Variants in NOXA1 observed in about 807,000 individuals in gnomAD.
NOXA1 encodes NCF2-like protein.
NOXA1 carries 56 observed loss-of-function variants against 64.8 expected under a neutral mutation model. The ratio of observed to expected loss-of-function variants is 0.86; its 90% CI spans 0.70 to 1.08. The LOEUF (loss-of-function observed/expected upper bound fraction) is 1.08. Among genes scored for constraint, NOXA1 ranks in the 50% least tolerant of loss-of-function variants. NOXA1 has a pLI of 0.00. For missense variants in NOXA1, 668 were observed against 658.5 expected, an observed-to-expected ratio of 1.01 and a Z score of -0.16; for synonymous variants, 295 against 294.8, an observed-to-expected ratio of 1.00 and a Z score of -0.01.
intron 1 of NOXA1, among the ~76,000 whole-genome samples, chr9:137,423,937 G>T (rs1182474973): frequency 1.3e-5 from 2 of 152,172 alleles, no homozygotes; most frequent in African/African-American, 4.8e-5. Flanking sequence ...CTCACACCGG[G>T]AAGGGGGAAG....
chr9:137,423,696 C>T lies in NOXA1; in HGVS notation c.167C>T (p.Ala56Val). The T allele has an allele frequency of 2.3e-6, 3 of 1,325,310 alleles. No homozygotes were observed. Among genetic ancestry groups the T allele is most frequent in the Non-Finnish European group, 2.9e-6 (3 of 1,038,736 alleles). 82.1% of individuals were successfully genotyped at this position (1,325,310 alleles called of 1,614,324 possible). A position where few individuals can be genotyped will look rare whatever the true frequency, so the allele number is the denominator to read the frequency against. Residue 56 changes from alanine to valine, a missense_variant, in exon 1 of 14, where the codon GCC (alanine) becomes GTC (valine). Physicochemically the swap from Ala to Val is moderately conservative, Grantham distance 64. Transcript: ENST00000683555. Reference sequence around the variant, plus strand: ...CACCTGCTGGCCGGGGACCCCGAGGCCGCGCTGCGGGTGAGCGGGGCGTGG... The same window carrying T: ...CACCTGCTGGCCGGGGACCCCGAGGTCGCGCTGCGGGTGAGCGGGGCGTGG... Reference protein sequence around the residue: ...CVHLLAGDPEAALRAFDQAVT... With the variant: ...CVHLLAGDPEVALRAFDQAVT...
chr9:137,431,267 A>G lies in NOXA1; in HGVS notation c.730A>G (p.Thr244Ala), dbSNP rs1476392828. ...AATCATGGACTCCCCAAGAGCTGGC[A>G]CCCACCAGGGCCCCCTCGATGCAGA... ...SLIMDSPRAGTHQGPLDAETE... is the reference protein window; with the variant it reads ...SLIMDSPRAGAHQGPLDAETE... Residue 244 changes from threonine (T) to alanine (A), a missense_variant, in exon 8 of 14, where the codon ACC becomes GCC. Thr to Ala is a moderately conservative substitution (Grantham distance 58). Coordinates refer to ENST00000683555, the MANE Select transcript of NOXA1 (RefSeq NM_001256067.2). This position sits in a 1 kb window ranked among gnomAD's most constrained non-coding sequence, Gnocchi z 5.6. The G allele has an allele frequency of 1.9e-6, 3 of 1,612,650 alleles. No individual in the cohort carries two copies. The highest frequency in any genetic ancestry group is 2.5e-6 in the Non-Finnish European group (3 of 1,179,928).
rs1839109239 is a variant in NOXA1, at chr9:137,431,490, GC to G, written c.804+152del. On this transcript the variant is annotated intron_variant, in intron 8 of 13. Transcript: ENST00000683555. The surrounding 1 kb of genome is among the most constrained non-coding windows in gnomAD (Gnocchi z 5.6). ...CGGGCTCACCCGTGGTCCTGGCCCA[GC>G]CCAGCCAGATGGGAGGATGCCTGGC... The G allele has an allele frequency of 2.9e-6, 2 of 679,568 alleles. No individual in the cohort carries two copies. Among genetic ancestry groups the G allele is most frequent in the African/African-American group, 1.8e-5 (1 of 56,050 alleles). 42.1% of individuals were successfully genotyped at this position (679,568 alleles called of 1,614,324 possible). A position where few individuals can be genotyped will look rare whatever the true frequency, so the allele number is the denominator to read the frequency against.
At position 137,431,271 on chromosome 9, in the gene NOXA1, A is replaced by C. The variant is rs752014926; in HGVS notation, c.734A>C (p.His245Pro). 2.1e-5 allele frequency: 34 copies of C among 1,612,654 alleles called. No individual in the cohort carries two copies. The highest frequency in any genetic ancestry group is 2.8e-5 in the Non-Finnish European group (33 of 1,179,936). The change falls in exon 8 of 14, where the codon CAC becomes CCC. Residue 245 changes from histidine (H) to proline (P), a missense_variant. By Grantham distance (77) the His-to-Pro change is moderately conservative. Transcript: ENST00000683555. This position sits in a 1 kb window ranked among gnomAD's most constrained non-coding sequence, Gnocchi z 5.6. ...LIMDSPRAGT[H>P]QGPLDAETEV... Reference sequence around the variant, plus strand: ...ATGGACTCCCCAAGAGCTGGCACCCACCAGGGCCCCCTCGATGCAGAGACA... The same window carrying C: ...ATGGACTCCCCAAGAGCTGGCACCCCCCAGGGCCCCCTCGATGCAGAGACA...
At chr9:137,430,958 TG>T in intron 6 of NOXA1, 115 bp downstream of exon 6, 1 of 1,554,280 alleles carries the variant, frequency 6.4e-7, no homozygotes. Flanking sequence ...ATGGGAGGTG[TG>T]GGGTGGCCAT....
In NOXA1 at chr9:137,424,877, C is replaced by T. The variant is rs558880420; in HGVS notation, c.177+1171C>T. 3.9e-5 allele frequency among the ~76,000 whole-genome samples: 6 copies of T among 152,230 alleles called. No homozygotes were observed. In the East Asian group the frequency reaches 5.8e-4, roughly 15 times the overall value. On this transcript the variant is annotated intron_variant, in intron 1 of 13. Transcript: ENST00000683555. The stretch of plus-strand genomic sequence containing the variant: ...GCCTGGTTTCACTACAGAGAGGGGA[C>T]GCAGTGAAAGTCATACGACTAACCC...
rs1245804092 is a variant in NOXA1, at chr9:137,424,622, A to G, written c.177+916A>G. ...GCCTGGCTAATTTAGTATTTTTAGTAGAAACGGGTTTCACCATGTTGGTCA... is the reference window on the plus strand; with the variant it reads ...GCCTGGCTAATTTAGTATTTTTAGTGGAAACGGGTTTCACCATGTTGGTCA... On this transcript the variant is annotated intron_variant, in intron 1 of 13. Transcript: ENST00000683555. 3.9e-5 allele frequency among the ~76,000 whole-genome samples: 6 copies of G among 152,170 alleles called. No homozygotes were observed. In the East Asian group the frequency reaches 1.2e-3, roughly 29 times the overall value.
chr9:137,433,154 C>CA, intron 9 of NOXA1, 51 bp from the exon 10 acceptor site: 1 of 1,608,470 alleles, frequency 6.2e-7, no homozygotes, highest in Non-Finnish European at 8.5e-7. Context: ...CCTCCACCCA[C>CA]AGGGCCCACT....
chr9:137,427,650 G>A (rs934173370), intron 2 of NOXA1, among the ~76,000 whole-genome samples: 1 of 152,352 alleles, frequency 6.6e-6, no homozygotes, highest in South Asian at 2.1e-4. Flanking sequence ...GGAGCTCCCA[G>A]CAAGGCTTGG....
rs1338514111 is a variant in NOXA1 at position 137,428,890 on chromosome 9, C to CAATGTGGCG, written c.379_387dup (p.Asn127_Ala129dup). 3 of 1,583,408 alleles carry CAATGTGGCG rather than the reference C, an allele frequency of 1.9e-6. No homozygotes were observed. Among genetic ancestry groups the CAATGTGGCG allele is most frequent in the Non-Finnish European group, 2.6e-6 (3 of 1,166,524 alleles). On this transcript the variant is annotated inframe_insertion, in exon 4 of 14. Transcript: ENST00000683555. Reference sequence around the variant, plus strand: ...CTTGGCCCCACTCCCAGGTGCTACACAATGTGGCGTCGGCACAGTGCCAGC... The same window carrying CAATGTGGCG: ...CTTGGCCCCACTCCCAGGTGCTACACAATGTGGCGAATGTGGCGTCGGCACAGTGCCAGC...
chr9:137,429,499 A>G lies in NOXA1; in HGVS notation c.612+116A>G, dbSNP rs190283214. The stretch of plus-strand genomic sequence containing the variant: ...CACCGTAAGGGCCAGGAGGGTAGAG[A>G]GTGGGCCCACAGCCATCCTCAAACT... On this transcript the variant is annotated intron_variant, in intron 5 of 13. Transcript: ENST00000683555. 54 of 728,788 alleles carry G rather than the reference A, an allele frequency of 7.4e-5. No individual in the cohort carries two copies. In the East Asian group the frequency reaches 1.3e-3, roughly 18 times the overall value. 45.1% of individuals were successfully genotyped at this position (728,788 alleles called of 1,614,324 possible).
Position 137,434,343 on chromosome 9 carries a change from C to CA in NOXA1, c.1415dup (p.Asp474ArgfsTer10). On this transcript the variant is annotated frameshift_variant, in exon 14 of 14. Coordinates refer to ENST00000683555, the MANE Select transcript of NOXA1 (RefSeq NM_001256067.2). LOFTEE classifies it high-confidence loss of function. ...CCCCGGCCGCCTGCCCCGATCCCAGCAGGGAGATCAGCCCTAATGATGCTG... is the reference window on the plus strand; with the variant it reads ...CCCCGGCCGCCTGCCCCGATCCCAGCAAGGGAGATCAGCCCTAATGATGCTG... 4 of 1,600,996 alleles carry CA rather than the reference C, an allele frequency of 2.5e-6. No homozygotes were observed. The highest frequency in any genetic ancestry group is 3.4e-6 in the Non-Finnish European group (4 of 1,174,854).
intron 9 of NOXA1, 25 bp from the exon 10 acceptor site, chr9:137,433,180 G>A (rs1420298431): frequency 6.2e-7 from 1 of 1,609,608 alleles, no homozygotes; most frequent in East Asian, 2.2e-5. Context: ...GGTAGTGGCT[G>A]TGTCAGTCTT....
intron 3 of NOXA1, 116 bp downstream of exon 3, chr9:137,428,257 A>G: frequency 2.8e-6 from 2 of 723,032 alleles, no homozygotes; most frequent in Non-Finnish European, 4.6e-6. Context: ...TCTTGGTGCC[A>G]TGGAATACCC....
intron 10 of NOXA1, 87 bp from the exon 11 acceptor site, chr9:137,433,366 T>C: frequency 6.7e-7 from 1 of 1,500,910 alleles, no homozygotes; most frequent in Non-Finnish European, 8.9e-7. Context: ...ACCTGCCCAG[T>C]CTCTGTCCAC....
chr9:137,427,653 A>G (rs1838895814), intron 2 of NOXA1, among the ~76,000 whole-genome samples: 1 of 152,210 alleles, frequency 6.6e-6, no homozygotes, highest in African/African-American at 2.4e-5. Context: ...GCTCCCAGCA[A>G]GGCTTGGAAG....
At chr9:137,426,807 A>G (rs1838863562) in intron 2 of NOXA1, among the ~76,000 whole-genome samples, 1 of 152,222 alleles carries the variant, frequency 6.6e-6, no homozygotes, top group African/African-American at 2.4e-5. Flanking sequence ...CTTTTTAAAA[A>G]TTGTTTTGAG....
In NOXA1 at chr9:137,423,644, A is replaced by G; in HGVS notation, c.115A>G (p.Arg39Gly). ...LFSGVPAPPA[R>G]LCFNAGCVHL... ...CTCGGGCGTCCCGGCGCCGCCCGCC[A>G]GGCTGTGCTTCAACGCGGGCTGCGT... The change falls in exon 1 of 14, where the codon AGG (arginine) becomes GGG (glycine). Residue 39 changes from arginine to glycine, a missense_variant. Coordinates refer to ENST00000683555, the MANE Select transcript of NOXA1 (RefSeq NM_001256067.2). 7.0e-7 allele frequency: 1 copy of G among 1,427,800 alleles called. No homozygotes were observed. The highest frequency in any genetic ancestry group is 9.2e-7 in the Non-Finnish European group (1 of 1,087,842). The allele number at this position is 1,427,800 out of a possible 1,614,324, so 88.4% of individuals were successfully genotyped here. A position where few individuals can be genotyped will look rare whatever the true frequency, so the allele number is the denominator to read the frequency against.
Position 137,428,150 on chromosome 9 carries a change from G to A in NOXA1, c.369+9G>A, listed in dbSNP as rs774235449. On this transcript the variant is annotated intron_variant, in intron 3 of 13. Coordinates refer to ENST00000683555, the MANE Select transcript of NOXA1 (RefSeq NM_001256067.2). ...AGCTGCAAGCCTGGGAGGTGAGGCC[G>A]GGCAGGGCTCACTGTGCTGCTGGCT... is the stretch of plus-strand genomic sequence containing the variant. The A allele has an allele frequency of 2.1e-5, 32 of 1,542,100 alleles. No homozygotes were observed. The highest frequency in any genetic ancestry group is 3.9e-5 in the Admixed American group (2 of 51,840).
Sources: gnomAD v4.1 joint callset for allele counts (sites outside exome capture counted in the v4.1 genomes callset) on GRCh38, gnomAD v4.1.1 for gene constraint, Gnocchi (gnomAD v3.1) non-coding constraint, MANE v1.5 for transcripts, NCBI Gene and HGNC (gene_info 2026-07-23, HGNC 2026-07-21) for gene names.